TAF1: variants seen among roughly 807,000 people sequenced by gnomAD.
TAF1 encodes TATA-box binding protein associated factor 1.
TAF1 carries 2 observed loss-of-function variants against 138.5 expected under a neutral mutation model. That is an observed-to-expected ratio of 0.01 (90% CI 0.01 to 0.05). The LOEUF is 0.05. TAF1 is among the 10% of genes least tolerant of loss of function. TAF1 has a pLI of 1.00. For synonymous variants in TAF1, 437 were observed against 503.2 expected, an observed-to-expected ratio of 0.87 and a Z score of 1.76; for missense variants, 709 against 1,478.0, an observed-to-expected ratio of 0.48 and a Z score of 8.53.
chrX:71,523,652 G>C (rs1301543427), intron 13 of TAF1, among the ~76,000 whole-genome samples: 2 of 111,676 alleles, frequency 1.8e-5, no homozygotes, highest in Non-Finnish European at 3.8e-5. Flanking sequence ...AAAACATTTA[G>C]ATGAAAATTT....
chrX:71,420,570 C>CT, intron 28 of TAF1: 1 of 1,209,684 alleles, frequency 8.3e-7, no homozygotes, highest in Non-Finnish European at 1.1e-6. Context: ...ATCTGCTTCT[C>CT]TACCTCGTTC....
intron 13 of TAF1, among the ~76,000 whole-genome samples, chrX:71,526,800 A>G (rs2040005036): frequency 9.1e-6 from 1 of 109,415 alleles, no homozygotes; most frequent in Admixed American, 9.8e-5. Flanking sequence ...ACAGGCATCC[A>G]TCATGCCTGT....
Position 71,393,223 on chromosome X carries a change from T to A in TAF1, c.3052-78T>A, listed in dbSNP as rs5981111. ...CTTGTCCTTTGAAATCCCTGAATGA[T>A]TTGTGTGTGTGTGTGTGTGTGTGTG... On this transcript the variant is annotated intron_variant, in intron 20 of 37. Transcript: ENST00000423759. 3.0e-3 allele frequency: 3,264 copies of A among 1,095,241 alleles called. 61 individuals carry two copies. In the African/African-American group the frequency reaches 0.057, roughly 19 times the overall value. The allele number at this position is 1,095,241 out of a possible 1,213,427, so 90.3% of individuals were successfully genotyped here.
At chrX:71,485,011 A>G (rs951216585) in intron 13 of TAF1, 1 of 111,873 alleles carries the variant, frequency 8.9e-6, no homozygotes, top group African/African-American at 3.3e-5. Flanking sequence ...ATACCCTGCT[A>G]ACAACCACAA....
chrX:71,443,268 C>T (rs1056436868), intron 32 of TAF1, among the ~76,000 whole-genome samples: 10 of 112,044 alleles, frequency 8.9e-5, no homozygotes, highest in Non-Finnish European at 1.5e-4. Context: ...GCCATTTTCA[C>T]GATATTGATT....
chrX:71,392,548 G>T, intron 18 of TAF1, 21 bp from the exon 19 acceptor site: 1 of 1,141,520 alleles, frequency 8.8e-7, no homozygotes, highest in Non-Finnish European at 1.2e-6. Flanking sequence ...ACTGCCCTGA[G>T]AATCTTTTTC....
chrX:71,419,170 TAA>T (rs939021384), intron 28 of TAF1, among the ~76,000 whole-genome samples: 2 of 111,750 alleles, frequency 1.8e-5, no homozygotes, highest in African/African-American at 6.5e-5. Context: ...TTTTATATGT[TAA>T]GTGTGGGAAA....
chrX:71,410,564 TCTG>T (rs1259508436), intron 28 of TAF1, among the ~76,000 whole-genome samples: 2 of 106,707 alleles, frequency 1.9e-5, no homozygotes, highest in African/African-American at 6.9e-5. Flanking sequence ...TTCATGCTAT[TCTG>T]CTGCTTCAGC....
rs142496099 is a variant in TAF1, at chrX:71,424,193, C to T, written c.4708C>T (p.Leu1570=). The T allele has an allele frequency of 1.9e-3, 2,255 of 1,209,035 alleles. 3 individuals are homozygous for T. The highest frequency in any genetic ancestry group is 2.2e-3 in the Non-Finnish European group (1,934 of 894,875). The part of the protein sequence containing the change: ...KHKYQSRESF[L]DDVNLILANS... ...CAAGTATCAGAGTCGGGAGAGCTTTCTGGATGATGTAAACCTTATTCTGGC... is the reference window on the plus strand; with the variant it reads ...CAAGTATCAGAGTCGGGAGAGCTTTTTGGATGATGTAAACCTTATTCTGGC... The change falls in exon 32 of 38, where the codon CTG becomes TTG. Residue 1570 remains leucine, a synonymous_variant. Coordinates refer to ENST00000423759, the MANE Select transcript of TAF1 (RefSeq NM_004606.5).
At chrX:71,507,829 T>C (rs1366972928) in intron 13 of TAF1, among the ~76,000 whole-genome samples, 1 of 109,885 alleles carries the variant, frequency 9.1e-6, no homozygotes, top group African/African-American at 3.3e-5. Context: ...GAATACTAAA[T>C]GCTAGTCAGT....
Position 71,458,773 on chromosome X carries a change from A to G in TAF1, c.5064+407A>G, listed in dbSNP as rs774109498. 5.3e-5 allele frequency among the ~76,000 whole-genome samples: 6 copies of G among 112,243 alleles called. No individual in the cohort carries two copies. In the East Asian group the frequency reaches 1.7e-3, roughly 31 times the overall value. On this transcript the variant is annotated intron_variant, in intron 35 of 37. Coordinates refer to ENST00000423759, the MANE Select transcript of TAF1 (RefSeq NM_004606.5). The stretch of plus-strand genomic sequence containing the variant: ...AAAATTGGCCTTTTCTAGAGGTATC[A>G]GAAATATCTACAGCTTTTCTACAGC...
chrX:71,442,370 A>C (rs1315152685), intron 32 of TAF1, among the ~76,000 whole-genome samples: 2 of 112,144 alleles, frequency 1.8e-5, no homozygotes, highest in Non-Finnish European at 3.8e-5. Context: ...AACTGGTATG[A>C]GATAGTATCT....
At chrX:71,497,232 G>A (rs137923198) in intron 13 of TAF1, among the ~76,000 whole-genome samples, 189 of 111,411 alleles carry the variant, frequency 1.7e-3, no homozygotes, top group African/African-American at 5.7e-3. Flanking sequence ...ACTTCTAAGA[G>A]ATCCTCTCGG....
intron 13 of TAF1, among the ~76,000 whole-genome samples, chrX:71,474,145 AAAG>A (rs1433345731): frequency 4.6e-5 from 5 of 109,680 alleles, no homozygotes; most frequent in Middle Eastern, 4.7e-3. Flanking sequence ...AACTCTGAAA[AAAG>A]AAAGAAAGAG....
intron 32 of TAF1, among the ~76,000 whole-genome samples, chrX:71,434,232 G>A (rs958621123): frequency 8.9e-6 from 1 of 111,876 alleles, no homozygotes; most frequent in African/African-American, 3.2e-5. Flanking sequence ...GCATGGCAGT[G>A]TGTGCCTGTT....
intron 14 of TAF1, 115 bp from the exon 15 acceptor site, chrX:71,387,146 C>T (rs2034278894): frequency 1.4e-6 from 1 of 738,107 alleles, no homozygotes; most frequent in Non-Finnish European, 2.0e-6. Context: ...ACTGGATAGA[C>T]CTTAGATGGC....
intron 20 of TAF1, 31 bp downstream of exon 20, chrX:71,393,025 A>G: frequency 2.5e-6 from 3 of 1,206,571 alleles, no homozygotes; most frequent in African/African-American, 3.5e-5. Flanking sequence ...TTTAGAGTAT[A>G]CTAGGGGCTT....
At chrX:71,393,719 T>A (rs28382180) in intron 21 of TAF1, among the ~76,000 whole-genome samples, 95 of 111,752 alleles carry the variant, frequency 8.5e-4, no homozygotes, top group African/African-American at 2.9e-3. Flanking sequence ...CATGACAACT[T>A]TTATGGCCTA....
intron 37 of TAF1, among the ~76,000 whole-genome samples, chrX:71,462,663 GGTGATTAAA>G (rs1306251218): frequency 7.2e-5 from 8 of 111,683 alleles, no homozygotes; most frequent in African/African-American, 2.6e-4. Context: ...CTATCATATT[GGTGATTAAA>G]GTGAATGATA....
Sources: gnomAD v4.1 joint callset for allele counts (sites outside exome capture counted in the v4.1 genomes callset) on GRCh38, gnomAD v4.1.1 for gene constraint, MANE v1.5 for transcripts, NCBI Gene and HGNC (gene_info 2026-07-23, HGNC 2026-07-21) for gene names.